The following ASIC2 variants were observed in gnomAD, a reference collection of about 807,000 sequenced individuals.
The protein encoded by ASIC2 is acid sensing ion channel subunit 2, also known as acid-sensing ion channel 2.
In ASIC2, 25 loss-of-function variants were observed where a neutral mutation model predicts 57.3. The ratio of observed to expected loss-of-function variants is 0.44; its 90% CI spans 0.32 to 0.61. ASIC2 has a LOEUF of 0.61. ASIC2 is among the 20% of genes least tolerant of loss of function. The probability of loss-of-function intolerance (pLI) is 0.06; values close to 1 mark genes in which losing one functional copy is unlikely to be tolerated. For missense variants in ASIC2, 641 were observed against 738.1 expected, an observed-to-expected ratio of 0.87 and a Z score of 1.52; for synonymous variants, 319 against 307.5, an observed-to-expected ratio of 1.04 and a Z score of -0.39.
chr17:33,545,029 CT>C (rs2141972037), intron 1 of ASIC2, among the ~76,000 whole-genome samples: 1 of 152,304 alleles, frequency 6.6e-6, no homozygotes, highest in African/African-American at 2.4e-5. Flanking sequence ...TTTTACACCC[CT>C]CTACCCACCC....
intron 1 of ASIC2, among the ~76,000 whole-genome samples, chr17:33,586,728 C>A (rs971414809): frequency 6.6e-6 from 1 of 152,190 alleles, no homozygotes; most frequent in Admixed American, 6.5e-5. Flanking sequence ...CTTAGACCTG[C>A]CTTCTCTCCC....
At chr17:33,089,117 T>C in intron 2 of ASIC2, 127 bp from the exon 3 acceptor site, 1 of 1,272,266 alleles carries the variant, frequency 7.9e-7, no homozygotes, top group South Asian at 1.6e-5. Flanking sequence ...CCCCCAAAGG[T>C]GTCCACATCC....
chr17:33,623,245 TG>T (rs1483743810), intron 1 of ASIC2, among the ~76,000 whole-genome samples: 223 of 14,512 alleles, frequency 0.015, 2 homozygotes, highest in Middle Eastern at 0.042. Context: ...CGTTTTTTTT[TG>T]TTTGTTTGTT....
rs542739072 is a variant in ASIC2 at position 33,598,516 on chromosome 17, T to C, written c.556-486449A>G. On this transcript the variant is annotated intron_variant, in intron 1 of 9. Coordinates refer to the ASIC2 transcript ENST00000359872. ...AAGGGTGGTGTTTCTTCAGGATGTG[T>C]TTCCTGGGTGAAGACTGTATGTGAA... 2.5e-4 allele frequency among the ~76,000 whole-genome samples: 38 copies of C among 152,224 alleles called. No individual in the cohort carries two copies. The South Asian group carries it at 7.9e-3, about 32-fold the overall frequency.
chr17:33,354,285 G>A (rs551439450), intron 1 of ASIC2, among the ~76,000 whole-genome samples: 1 of 152,076 alleles, frequency 6.6e-6, no homozygotes, highest in Non-Finnish European at 1.5e-5. Context: ...GGTTCATGAC[G>A]GTCTTTAAAT....
intron 1 of ASIC2, among the ~76,000 whole-genome samples, chr17:33,781,738 C>T (rs953117023): frequency 3.3e-5 from 5 of 152,142 alleles, no homozygotes; most frequent in Non-Finnish European, 5.9e-5. Flanking sequence ...TTGCTGTCCC[C>T]ACCTCCCCTT....
intron 3 of ASIC2, among the ~76,000 whole-genome samples, chr17:33,050,854 A>G (rs2091972401): frequency 6.6e-6 from 1 of 152,106 alleles, no homozygotes; most frequent in Non-Finnish European, 1.5e-5. Flanking sequence ...GGAAGGTTGG[A>G]CTGACACCCT....
At chr17:33,818,747 T>C (rs1912662676) in intron 1 of ASIC2, among the ~76,000 whole-genome samples, 1 of 152,244 alleles carries the variant, frequency 6.6e-6, no homozygotes. Context: ...TTTAAACCAC[T>C]ACTTTTTTGT....
chr17:33,912,102 T>C (rs891445100), intron 1 of ASIC2, among the ~76,000 whole-genome samples: 2 of 137,564 alleles, frequency 1.5e-5, no homozygotes, highest in Non-Finnish European at 3.0e-5. Flanking sequence ...ATCACGCCAT[T>C]GCACTCCAGC....
At chr17:33,078,518 A>G (rs935098354) in intron 3 of ASIC2, among the ~76,000 whole-genome samples, 4 of 152,194 alleles carry the variant, frequency 2.6e-5, no homozygotes, top group East Asian at 1.9e-4. Flanking sequence ...CCTTCATTCC[A>G]TCTAAGAACT....
At chr17:33,452,830 G>C (rs1912308119) in intron 1 of ASIC2, among the ~76,000 whole-genome samples, 1 of 151,358 alleles carries the variant, frequency 6.6e-6, no homozygotes, top group African/African-American at 2.4e-5. Context: ...GGGTGTACTT[G>C]TCAGGGGCTC....
chr17:33,561,847 A>G (rs1252589823), intron 1 of ASIC2, among the ~76,000 whole-genome samples: 1 of 152,234 alleles, frequency 6.6e-6, no homozygotes, highest in Non-Finnish European at 1.5e-5. Context: ...AGATCACTTC[A>G]AAAATAGATG....
chr17:33,366,315 G>C (rs571851297), intron 1 of ASIC2, among the ~76,000 whole-genome samples: 1 of 152,338 alleles, frequency 6.6e-6, no homozygotes, highest in East Asian at 1.9e-4. Flanking sequence ...AGCATTCAAA[G>C]TTCTTCACTG....
intron 1 of ASIC2, among the ~76,000 whole-genome samples, chr17:33,507,222 G>A (rs542452415): frequency 6.6e-6 from 1 of 152,258 alleles, no homozygotes; most frequent in Admixed American, 6.5e-5. Context: ...GGGCTTCCAA[G>A]ATTTCAGTTT....
chr17:33,721,091 G>T (rs1238376146), intron 1 of ASIC2, among the ~76,000 whole-genome samples: 2 of 152,094 alleles, frequency 1.3e-5, no homozygotes, highest in African/African-American at 4.8e-5. Context: ...CATAGTTAAA[G>T]GCATTATTCA....
chr17:33,643,143 C>T (rs1906630968), intron 1 of ASIC2, among the ~76,000 whole-genome samples: 1 of 53,940 alleles, frequency 1.9e-5, no homozygotes. Context: ...CTCACATGCT[C>T]ATTTCCCCCC....
intron 1 of ASIC2, among the ~76,000 whole-genome samples, chr17:33,799,345 TCTC>T (rs1393575513): frequency 2.8e-5 from 4 of 140,470 alleles, no homozygotes. Flanking sequence ...CTCTGTTTCC[TCTC>T]TTTCTCTTTC....
At chr17:33,204,191 G>A (rs374586018) in intron 1 of ASIC2, among the ~76,000 whole-genome samples, 1 of 152,110 alleles carries the variant, frequency 6.6e-6, no homozygotes, top group Non-Finnish European at 1.5e-5. Context: ...GTTATTGTCT[G>A]GTCTTTTGTC....
chr17:33,952,574 TATC>T (rs1337468858), intron 1 of ASIC2, among the ~76,000 whole-genome samples: 1 of 152,212 alleles, frequency 6.6e-6, no homozygotes, highest in Non-Finnish European at 1.5e-5. Context: ...TCCTTGATGA[TATC>T]ATCAAGTCAC....
Sources: allele counts gnomAD v4.1 joint callset (sites outside exome capture counted in the v4.1 genomes callset), GRCh38; gene constraint gnomAD v4.1.1; transcripts MANE v1.5; gene names NCBI Gene and HGNC (gene_info 2026-07-23, HGNC 2026-07-21).